The following KCNMA1 variants were observed in gnomAD, a reference collection of about 807,000 sequenced individuals.
The protein encoded by KCNMA1 is Calcium-activated potassium channel subunit alpha-1.
In KCNMA1, 29 loss-of-function variants were observed where a neutral mutation model predicts 140.0. The ratio of observed to expected loss-of-function variants is 0.21; its 90% confidence interval spans 0.15 to 0.28. KCNMA1 has a LOEUF of 0.28. KCNMA1 is among the 10% of genes least tolerant of loss of function. The probability of loss-of-function intolerance (pLI) is 1.00; values close to 1 mark genes in which losing one functional copy is unlikely to be tolerated. For synonymous variants in KCNMA1, 612 were observed against 611.9 expected, an observed-to-expected ratio of 1.00 and a Z score of 0.00; for missense variants, 880 against 1,602.2, an observed-to-expected ratio of 0.55 and a Z score of 7.70.
chr10:76,909,231 A>G (rs2049049184), intron 25 of KCNMA1, among the ~76,000 whole-genome samples: 1 of 151,986 alleles, frequency 6.6e-6, no homozygotes, highest in African/African-American at 2.4e-5. Context: ...AGTCCTATTA[A>G]TTGTACTGCC....
intron 2 of KCNMA1, among the ~76,000 whole-genome samples, chr10:77,398,187 C>T (rs1383356970): frequency 1.3e-5 from 2 of 151,308 alleles, no homozygotes; most frequent in Non-Finnish European, 2.9e-5. Flanking sequence ...AGGTATCTTT[C>T]TTATATAATG....
chr10:76,930,266 A>T (rs977841854), intron 23 of KCNMA1: 1 of 152,214 alleles, frequency 6.6e-6, no homozygotes, highest in Non-Finnish European at 1.5e-5. Flanking sequence ...TAAAGAACTC[A>T]TATACTCAGT....
rs2097368216 is a variant in KCNMA1 at position 77,113,217 on chromosome 10, G to A, written c.885-775C>T. Among the ~76,000 whole-genome samples, 4 of 152,110 alleles carry A rather than the reference G, an allele frequency of 2.6e-5. No homozygotes were observed. In the South Asian group the frequency reaches 6.2e-4, roughly 24 times the overall value. ...GACATTGTCACAAATACTCAACTCT[G>A]TCACTGTGGCTTCAGAGCAGCTTTT... On this transcript the variant is annotated intron_variant, in intron 6 of 27. Coordinates refer to ENST00000286628, the MANE Select transcript of KCNMA1 (RefSeq NM_001161352.2).
At chr10:76,918,789 C>T (rs1017661566) in intron 23 of KCNMA1, among the ~76,000 whole-genome samples, 10 of 152,094 alleles carry the variant, frequency 6.6e-5, no homozygotes, top group Middle Eastern at 3.4e-3. Flanking sequence ...TACTTGCACA[C>T]GAATGTTTAT....
At chr10:77,361,465 G>A (rs548877206) in intron 2 of KCNMA1, among the ~76,000 whole-genome samples, 15 of 152,264 alleles carry the variant, frequency 9.9e-5, no homozygotes, top group African/African-American at 3.4e-4. Flanking sequence ...CATCATCACC[G>A]CCAGCAACAG....
chr10:77,067,007 C>A (rs558407336), intron 14 of KCNMA1, among the ~76,000 whole-genome samples: 1 of 152,268 alleles, frequency 6.6e-6, no homozygotes, highest in Non-Finnish European at 1.5e-5. Flanking sequence ...AGCTTACACC[C>A]ACCAGACAAT....
intron 1 of KCNMA1, among the ~76,000 whole-genome samples, chr10:77,415,279 T>G (rs1327317917): frequency 6.6e-6 from 1 of 152,258 alleles, no homozygotes; most frequent in Admixed American, 6.5e-5. Flanking sequence ...TCCTTCTCTT[T>G]CAATTAGCTT....
chr10:77,527,530 C>A (rs1313269922), intron 1 of KCNMA1, among the ~76,000 whole-genome samples: 1 of 152,126 alleles, frequency 6.6e-6, no homozygotes, highest in Non-Finnish European at 1.5e-5. Flanking sequence ...GAAAGCACCA[C>A]CAGGATGTCC....
At chr10:77,022,470 T>C (rs1250469626) in intron 16 of KCNMA1, among the ~76,000 whole-genome samples, 1 of 152,192 alleles carries the variant, frequency 6.6e-6, no homozygotes, top group Non-Finnish European at 1.5e-5. Flanking sequence ...ACGGGGCTGG[T>C]GTGGTCCCTT....
At position 76,885,143 on chromosome 10, in the gene KCNMA1, C is replaced by G; in HGVS notation, c.*2123G>C. On this transcript the variant is annotated 3_prime_UTR_variant, in exon 28 of 28. Coordinates refer to ENST00000286628, the MANE Select transcript of KCNMA1 (RefSeq NM_001161352.2). ...TTCTGAGGGCGTAACTTTATAACCT[C>G]CTTTGCAAAGAATGCATGAAGAGCT... 6 of 1,386,410 alleles carry G rather than the reference C, an allele frequency of 4.3e-6. No individual in the cohort carries two copies. Among genetic ancestry groups the G allele is most frequent in the Non-Finnish European group, 5.6e-6 (6 of 1,067,028 alleles). The allele number at this position is 1,386,410 out of a possible 1,614,324, so 85.9% of individuals were successfully genotyped here.
intron 17 of KCNMA1, among the ~76,000 whole-genome samples, chr10:77,016,704 A>G (rs912456443): frequency 2.0e-5 from 3 of 152,246 alleles, no homozygotes; most frequent in Non-Finnish European, 2.9e-5. Flanking sequence ...TTTTAAAAGG[A>G]AAATATTTGG....
intron 25 of KCNMA1, among the ~76,000 whole-genome samples, chr10:76,895,813 G>A (rs538997785): frequency 1.8e-4 from 28 of 152,254 alleles, no homozygotes; most frequent in African/African-American, 6.0e-4. Context: ...ATCACATGTC[G>A]GCGGGTTCCA....
intron 1 of KCNMA1, among the ~76,000 whole-genome samples, chr10:77,506,183 G>T (rs996540389): frequency 3.3e-5 from 5 of 151,088 alleles, no homozygotes; most frequent in African/African-American, 4.9e-5. Flanking sequence ...CTTGTGTAGA[G>T]CTAATTAGAG....
intron 1 of KCNMA1, chr10:77,636,963 CTG>C (rs1211332556): frequency 1.4e-6 from 2 of 1,414,712 alleles, no homozygotes. Flanking sequence ...GCACCCGAGC[CTG>C]TGAGTCCCCG....
chr10:77,049,812 G>C (rs1219901877), intron 14 of KCNMA1, among the ~76,000 whole-genome samples: 1 of 152,166 alleles, frequency 6.6e-6, no homozygotes, highest in Non-Finnish European at 1.5e-5. Flanking sequence ...ATCTACCAGG[G>C]AGTATGTATA....
downstream of KCNMA1, among the ~76,000 whole-genome samples, chr10:76,883,721 G>GTT (rs113872996): frequency 0.022 from 2,443 of 113,160 alleles, 90 homozygotes; most frequent in African/African-American, 0.052. Flanking sequence ...TTACTTCCTT[G>GTT]TTTTTTTTTT....
rs11002217 is a variant in KCNMA1, at chr10:77,594,700, G to A, written c.378+42565C>T. Among the ~76,000 whole-genome samples the A allele has an allele frequency of 4.5e-3, 678 of 152,310 alleles. 6 individuals are homozygous for A. Among genetic ancestry groups the A allele is most frequent in the African/African-American group, 0.016 (651 of 41,574 alleles). On this transcript the variant is annotated intron_variant, in intron 1 of 27. Coordinates refer to ENST00000286628, the MANE Select transcript of KCNMA1 (RefSeq NM_001161352.2). ...AGAGACCATGGTTCACCAAGCACCTGGTCAGGACTGATAACAATGGCGTAT... is the reference window on the plus strand; with the variant it reads ...AGAGACCATGGTTCACCAAGCACCTAGTCAGGACTGATAACAATGGCGTAT...
chr10:76,977,567 C>T (rs1343700071), intron 19 of KCNMA1: 1 of 702,718 alleles, frequency 1.4e-6, no homozygotes, highest in Non-Finnish European at 2.6e-6. Context: ...GTTTGCTGAC[C>T]CCTGCAGTAG....
At chr10:77,572,134 T>C (rs2071619065) in intron 1 of KCNMA1, among the ~76,000 whole-genome samples, 1 of 152,174 alleles carries the variant, frequency 6.6e-6, no homozygotes, top group Admixed American at 6.5e-5. Context: ...TTTCTCTCTG[T>C]CTCCGTATCT....
Sources: allele counts gnomAD v4.1 joint callset (sites outside exome capture counted in the v4.1 genomes callset), GRCh38; gene constraint gnomAD v4.1.1; transcripts MANE v1.5; gene names NCBI Gene and HGNC (gene_info 2026-07-23, HGNC 2026-07-21).